SLC25A48: variants seen among roughly 807,000 people sequenced by gnomAD.
The protein encoded by SLC25A48 is CTC-321K16.1.
A neutral mutation model predicts 32.2 loss-of-function variants in SLC25A48; 29 were observed. The ratio of observed to expected loss-of-function variants is 0.90; its 90% CI spans 0.67 to 1.23. The LOEUF (loss-of-function observed/expected upper bound fraction) is 1.23. Among genes scored for constraint, SLC25A48 ranks in the 50% most tolerant of loss-of-function variants. The probability of loss-of-function intolerance (pLI) is 0.00; values close to 1 mark genes in which losing one functional copy is unlikely to be tolerated. For synonymous variants in SLC25A48, 164 were observed against 172.3 expected (o/e 0.95, Z 0.38); for missense variants, 399 against 422.7 (o/e 0.94, Z 0.49).
intron 3 of SLC25A48, among the ~76,000 whole-genome samples, chr5:135,741,602 G>A (rs950738556): frequency 3.3e-5 from 5 of 152,174 alleles, no homozygotes; most frequent in Non-Finnish European, 4.4e-5. Flanking sequence ...GCCGGGCATG[G>A]TGGCAAACAC....
In SLC25A48 at chr5:135,730,643, G is replaced by A. The variant is rs192659708; in HGVS notation, c.-520-81880G>A. Among the ~76,000 whole-genome samples the A allele has an allele frequency of 9.5e-4, 144 of 152,342 alleles. 1 individual carries two copies. Among genetic ancestry groups the A allele is most frequent in the Non-Finnish European group, 1.5e-3 (103 of 68,032 alleles). On this transcript the variant is annotated intron_variant, in intron 3 of 10. Transcript: ENST00000646290. ...AATGTGGAAGCAACTTTGGAACTGG[G>A]TAACAGGCAGAGGTTGGAGTAGTTT...
chr5:135,635,467 G>C lies in SLC25A48; in HGVS notation c.-521+511G>C, dbSNP rs530247285. Among the ~76,000 whole-genome samples, 5 of 152,290 alleles carry C rather than the reference G, an allele frequency of 3.3e-5. No individual in the cohort carries two copies. In the East Asian group the frequency reaches 5.8e-4, roughly 18 times the overall value. ...CCCAGGCATGGGACCTCTGTCTCCAGCTGGGATAAGAGATGTTTTGAAACC... is the reference window on the plus strand; with the variant it reads ...CCCAGGCATGGGACCTCTGTCTCCACCTGGGATAAGAGATGTTTTGAAACC... On this transcript the variant is annotated intron_variant, in intron 3 of 10. Coordinates refer to the SLC25A48 transcript ENST00000646290.
chr5:135,614,414 C>T (rs1752141125), intron 1 of SLC25A48, among the ~76,000 whole-genome samples: 1 of 152,120 alleles, frequency 6.6e-6, no homozygotes, highest in Non-Finnish European at 1.5e-5. Flanking sequence ...ATTTCTTTCT[C>T]TTGCCTGGTT....
intron 3 of SLC25A48, among the ~76,000 whole-genome samples, chr5:135,685,403 G>A (rs539108145): frequency 2.3e-3 from 348 of 150,704 alleles, no homozygotes; most frequent in African/African-American, 8.1e-3. Context: ...TCTTAGGTAG[G>A]GAGAAGAAGC....
chr5:135,879,854 TG>T, intron 6 of SLC25A48, 113 bp from the exon 7 acceptor site: 1 of 1,424,654 alleles, frequency 7.0e-7, no homozygotes, highest in Non-Finnish European at 9.3e-7. Context: ...CTTTGGGCTC[TG>T]GTGGGGGACC....
chr5:135,617,148 C>T (rs1459392498), intron 1 of SLC25A48, among the ~76,000 whole-genome samples: 1 of 151,996 alleles, frequency 6.6e-6, no homozygotes, highest in Non-Finnish European at 1.5e-5. Context: ...CATTACTGGT[C>T]TGTTCAGGTT....
chr5:135,685,449 T>TTTTG (rs1754000734), intron 3 of SLC25A48, among the ~76,000 whole-genome samples: 1 of 150,230 alleles, frequency 6.7e-6, no homozygotes. Context: ...TTTTTTTTTT[T>TTTTG]GAGACAGACT....
chr5:135,660,802 G>T (rs983746033), intron 3 of SLC25A48, among the ~76,000 whole-genome samples: 2 of 152,148 alleles, frequency 1.3e-5, no homozygotes, highest in African/African-American at 4.8e-5. Context: ...CAGCAGTTGG[G>T]GTCTGAGATG....
At chr5:135,751,557 G>T (rs1165083585) in intron 3 of SLC25A48, among the ~76,000 whole-genome samples, 2 of 152,184 alleles carry the variant, frequency 1.3e-5, no homozygotes, top group East Asian at 3.8e-4. Context: ...ACACAGGTCA[G>T]GTGCAGTGGC....
At chr5:135,770,085 C>G (rs377147650) in intron 3 of SLC25A48, among the ~76,000 whole-genome samples, 2 of 151,038 alleles carry the variant, frequency 1.3e-5, no homozygotes, top group African/African-American at 4.9e-5. Context: ...TCCTAATAGC[C>G]GGGGGGGAGA....
At chr5:135,618,241 A>T (rs1322481214) in intron 1 of SLC25A48, among the ~76,000 whole-genome samples, 1 of 151,954 alleles carries the variant, frequency 6.6e-6, no homozygotes, top group Admixed American at 6.6e-5. Context: ...ATTCCTACTT[A>T]CTTTTGGTTT....
chr5:135,748,157 A>T (rs1755684225), intron 3 of SLC25A48, among the ~76,000 whole-genome samples: 1 of 152,238 alleles, frequency 6.6e-6, no homozygotes, highest in African/African-American at 2.4e-5. Flanking sequence ...CTTACAGGTG[A>T]TAAGATGGCT....
rs774987757 is a variant in SLC25A48, at chr5:135,852,785, A to G, written c.385A>G (p.Ile129Val). Residue 129 changes from isoleucine (I) to valine (V), a missense_variant, in exon 4 of 8, where the codon ATC becomes GTC. Physicochemically the swap from Ile to Val is conservative, Grantham distance 29. Coordinates refer to ENST00000681962, the MANE Select transcript of SLC25A48 (RefSeq NM_001349336.2). Reference protein sequence around the residue: ...GLGGPVDLIKIRLQMQTQPFR... With the variant: ...GLGGPVDLIKVRLQMQTQPFR... ...GGGAGGGCCCGTGGACCTCATCAAG[A>G]TCCGGTTGCAGATGCAGACACAACC... The G allele has an allele frequency of 6.2e-7, 1 of 1,613,246 alleles. No individual in the cohort carries two copies. The highest frequency in any genetic ancestry group is 1.1e-5 in the South Asian group (1 of 91,036).
chr5:135,623,532 C>T (rs1752371956), intron 1 of SLC25A48, among the ~76,000 whole-genome samples: 1 of 152,186 alleles, frequency 6.6e-6, no homozygotes, highest in Non-Finnish European at 1.5e-5. Flanking sequence ...GTATGGACTC[C>T]TCTTGTTGTT....
At chr5:135,736,553 G>T (rs189657833) in intron 3 of SLC25A48, among the ~76,000 whole-genome samples, 1 of 152,128 alleles carries the variant, frequency 6.6e-6, no homozygotes, top group East Asian at 1.9e-4. Context: ...ATTGGGGAGT[G>T]CTTGCCCCTA....
chr5:135,767,732 G>T (rs1475696055), intron 3 of SLC25A48, among the ~76,000 whole-genome samples: 1 of 151,342 alleles, frequency 6.6e-6, no homozygotes, highest in Non-Finnish European at 1.5e-5. Context: ...AATATCTAGT[G>T]GGGGGAGTGG....
chr5:135,683,766 T>C (rs4976316), intron 3 of SLC25A48, among the ~76,000 whole-genome samples: 120,580 of 152,068 alleles, frequency 0.79, 48,166 homozygotes, highest in Middle Eastern at 0.88. Context: ...CACTGAGCAC[T>C]TGAGGTTCCC....
At chr5:135,844,966 A>G (rs548113636) in intron 2 of SLC25A48, among the ~76,000 whole-genome samples, 80 of 152,308 alleles carry the variant, frequency 5.3e-4, no homozygotes, top group South Asian at 5.0e-3. Flanking sequence ...GTAACAAGTC[A>G]CTGTTGGGTG....
At chr5:135,859,398 A>T (rs993400887) in intron 4 of SLC25A48, among the ~76,000 whole-genome samples, 2 of 152,170 alleles carry the variant, frequency 1.3e-5, no homozygotes, top group Non-Finnish European at 2.9e-5. Context: ...CACCCCCATG[A>T]TTCAATTACC....
Sources: gnomAD v4.1 joint callset for allele counts (sites outside exome capture counted in the v4.1 genomes callset) on GRCh38, gnomAD v4.1.1 for gene constraint, MANE v1.5 for transcripts, NCBI Gene and HGNC (gene_info 2026-07-23, HGNC 2026-07-21) for gene names.